NACA: variants seen among roughly 807,000 people sequenced by gnomAD.
The protein encoded by NACA is nascent polypeptide associated complex subunit alpha, also known as nascent polypeptide-associated complex subunit alpha.
A neutral mutation model predicts 86.4 loss-of-function variants in NACA; 42 were observed. That is an observed-to-expected ratio of 0.49 (90% confidence interval 0.38 to 0.63). The LOEUF is 0.63. NACA is among the 20% of genes least tolerant of loss of function. The probability of loss-of-function intolerance (pLI) is 0.00; values close to 1 mark genes in which losing one functional copy is unlikely to be tolerated. For missense variants in NACA, 2,157 were observed against 2,483.6 expected, an observed-to-expected ratio of 0.87 and a Z score of 2.80; for synonymous variants, 898 against 973.7, an observed-to-expected ratio of 0.92 and a Z score of 1.45.
chr12:56,718,819 G>A lies in NACA; in HGVS notation c.2711C>T (p.Ala904Val). 1 of 1,442,024 alleles carries A rather than the reference G, an allele frequency of 6.9e-7. No individual in the cohort carries two copies. The highest frequency in any genetic ancestry group is 3.0e-5 in the East Asian group (1 of 33,296). 89.3% of individuals were successfully genotyped at this position (1,442,024 alleles called of 1,614,324 possible). ...GGATAGAGCAGGAGCCTGTTTGGGT[G>A]CTGGAGTAGCTGGACCCTCTTTGGG... ...PFPKEGPATPAPKQAPALSMT... is the reference protein window; with the variant it reads ...PFPKEGPATPVPKQAPALSMT... Residue 904 changes from alanine to valine, a missense_variant, in exon 3 of 9, where the codon GCA becomes GTA. Ala to Val is a moderately conservative substitution (Grantham distance 64). Around this residue, in one of 8 missense-constraint regions of NACA, gnomAD observed 174 missense variants for 217.0 expected, o/e 0.80. Coordinates refer to ENST00000454682, the MANE Select transcript of NACA (RefSeq NM_001365896.1).
chr12:56,718,331 G>A lies in NACA; in HGVS notation c.3199C>T (p.Pro1067Ser), dbSNP rs778500309. The A allele has an allele frequency of 1.7e-6, 2 of 1,156,316 alleles. No individual in the cohort carries two copies. The highest frequency in any genetic ancestry group is 4.4e-5 in the East Asian group (1 of 22,986). The allele number at this position is 1,156,316 out of a possible 1,614,324, so 71.6% of individuals were successfully genotyped here. Residue 1067 changes from proline (P) to serine (S), a missense_variant, in exon 3 of 9, where the codon CCA becomes TCA. This residue lies in a region of NACA where 124 missense variants were observed against 186.5 expected (regional missense o/e 0.66). Coordinates refer to ENST00000454682, the MANE Select transcript of NACA (RefSeq NM_001365896.1). ...PTTPAATLPSPKGGPATPSLK... is the reference protein window; with the variant it reads ...PTTPAATLPSSKGGPATPSLK... ...GATGGGGTAGCTGGACCTCCTTTTG[G>A]GGAGGGAAGAGTTGCAGCTGGGGTT...
At chr12:56,713,813 T>C (rs1953278455) in intron 5 of NACA, 130 bp from the exon 6 acceptor site, 2 of 920,172 alleles carry the variant, frequency 2.2e-6, no homozygotes, top group African/African-American at 1.7e-5. Context: ...GAATAGAGAA[T>C]GGGTTTTCTG....
Position 56,720,186 on chromosome 12 carries a change from T to A in NACA, c.1344A>T (p.Thr448=). 6.2e-7 allele frequency: 1 copy of A among 1,613,850 alleles called. No homozygotes were observed. Among genetic ancestry groups the A allele is most frequent in the Non-Finnish European group, 8.5e-7 (1 of 1,179,864 alleles). Residue 448 remains threonine (T), a synonymous_variant, in exon 3 of 9, where the codon ACA becomes ACT. Coordinates refer to ENST00000454682, the MANE Select transcript of NACA (RefSeq NM_001365896.1). ...AGGTAGTAGTAGGTGCTGCAGCAAT[T>A]GTACAGGGGTTAGTCACCACAAGTG... ...TTPLVVTNPC[T]IAAAPTTTFE...
chr12:56,714,844 C>T (rs1953308848), intron 3 of NACA, 157 bp from the exon 4 acceptor site: 2 of 656,148 alleles, frequency 3.0e-6, no homozygotes, highest in African/African-American at 3.6e-5. Flanking sequence ...TTGATAGCCC[C>T]TAACTTAGTC....
chr12:56,724,603 A>G (rs1043386905), intron 1 of NACA, 80 bp from the exon 2 acceptor site: 6 of 1,459,836 alleles, frequency 4.1e-6, no homozygotes, highest in South Asian at 1.3e-5. Flanking sequence ...GTATTCTTAA[A>G]AACTCCGAGG....
At position 56,720,054 on chromosome 12, in the gene NACA, CT is replaced by C; in HGVS notation, c.1475del (p.Glu492GlyfsTer6). 1 of 1,613,656 alleles carries C rather than the reference CT, an allele frequency of 6.2e-7. No individual in the cohort carries two copies. Among genetic ancestry groups the C allele is most frequent in the Middle Eastern group, 1.6e-4 (1 of 6,062 alleles). On this transcript the variant is annotated frameshift_variant, in exon 3 of 9. Transcript: ENST00000454682. LOFTEE classifies it high-confidence loss of function. ...GAGTGGTTGCTACTTGAGTAGAAGG[CT>C]CTTTGGGAGCCACAGGTGCCATAAC... The part of the protein sequence containing the change: ...ALVMAPVAPK[E>X]PSTQVATTLR...
rs772634815 is a variant in NACA at position 56,714,704 on chromosome 12, C to G, written c.5660-17G>C. 1.9e-6 allele frequency: 3 copies of G among 1,608,312 alleles called. No individual in the cohort carries two copies. The highest frequency in any genetic ancestry group is 1.7e-6 in the Non-Finnish European group (2 of 1,174,916). On this transcript the variant is annotated splice_polypyrimidine_tract_variant and intron_variant, in intron 3 of 8. Transcript: ENST00000454682. ...TTCCAGACCCTAAGATGAGAAACAA[C>G]TTTTACTGCTTTATAGTAGAAATTA...
At position 56,712,774 on chromosome 12, in the gene NACA, T is replaced by G. The variant is rs772163703; in HGVS notation, c.6222+12A>C. ...GCAGAGGGAGTCAAGGAACAAAGGC[T>G]TGAACACTTACCATAATCGCATTTA... On this transcript the variant is annotated intron_variant, in intron 8 of 8. Coordinates refer to ENST00000454682, the MANE Select transcript of NACA (RefSeq NM_001365896.1). 3 of 1,614,200 alleles carry G rather than the reference T, an allele frequency of 1.9e-6. No homozygotes were observed. The East Asian group carries it at 6.7e-5, about 36-fold the overall frequency.
chr12:56,716,671 G>C lies in NACA; in HGVS notation c.4859C>G (p.Thr1620Ser). ...PKEAPTPPAV[T>S]PPSPEKGPAT... ...TGGGCCCTTTTCGGGGGATGGAGGA[G>C]TCACAGCTGGAGGAGTAGGTGCCTC... The change falls in exon 3 of 9, where the codon ACT becomes AGT. Residue 1620 changes from threonine to serine, a missense_variant. This residue lies in a region of NACA where 797 missense variants were observed against 777.6 expected (regional missense o/e 1.02). Transcript: ENST00000454682. 7.0e-7 allele frequency: 1 copy of C among 1,434,920 alleles called. No homozygotes were observed. Among genetic ancestry groups the C allele is most frequent in the Non-Finnish European group, 9.4e-7 (1 of 1,066,744 alleles). The allele number at this position is 1,434,920 out of a possible 1,614,324, so 88.9% of individuals were successfully genotyped here.
Position 56,715,952 on chromosome 12 carries a change from C to G in NACA, c.5578G>C (p.Val1860Leu). ...GCAGATTTAGGGGTGGGCATGTTGA[C>G]GAGGACCGACTGGAAAGGCACTCCC... ...SGGVPFQSVLVNMPTPKSAGI... is the reference protein window; with the variant it reads ...SGGVPFQSVLLNMPTPKSAGI... Residue 1860 changes from valine to leucine, a missense_variant, in exon 3 of 9, where the codon GTC (valine) becomes CTC (leucine). Physicochemically the swap from Val to Leu is conservative, Grantham distance 32. This residue lies in a region of NACA where 797 missense variants were observed against 777.6 expected (regional missense o/e 1.02). Transcript: ENST00000454682. 6.5e-7 allele frequency: 1 copy of G among 1,542,480 alleles called. No individual in the cohort carries two copies. The highest frequency in any genetic ancestry group is 8.7e-7 in the Non-Finnish European group (1 of 1,144,204).
In NACA at chr12:56,720,193, G is replaced by T. The variant is rs945790830; in HGVS notation, c.1337C>A (p.Pro446His). The T allele has an allele frequency of 1.2e-6, 2 of 1,613,860 alleles. No homozygotes were observed. The highest frequency in any genetic ancestry group is 2.7e-5 in the African/African-American group (2 of 74,902). Reference sequence around the variant, plus strand: ...AGTAGGTGCTGCAGCAATTGTACAGGGGTTAGTCACCACAAGTGGGGTGGT... The same window carrying T: ...AGTAGGTGCTGCAGCAATTGTACAGTGGTTAGTCACCACAAGTGGGGTGGT... ...VGTTPLVVTN[P>H]CTIAAAPTTT... The change falls in exon 3 of 9, where the codon CCC (proline) becomes CAC (histidine). Residue 446 changes from proline to histidine, a missense_variant. Transcript: ENST00000454682.
Position 56,716,661 on chromosome 12 carries a change from G to C in NACA, c.4869C>G (p.Ser1623=). 1 of 1,435,012 alleles carries C rather than the reference G, an allele frequency of 7.0e-7. No homozygotes were observed. The highest frequency in any genetic ancestry group is 9.4e-7 in the Non-Finnish European group (1 of 1,066,428). The allele number at this position is 1,435,012 out of a possible 1,614,324, so 88.9% of individuals were successfully genotyped here. A position where few individuals can be genotyped will look rare whatever the true frequency, so the allele number is the denominator to read the frequency against. The change falls in exon 3 of 9, where the codon TCC becomes TCG. Residue 1623 remains serine, a synonymous_variant. Transcript: ENST00000454682. The stretch of plus-strand genomic sequence containing the variant: ...CTGGAGTTGCTGGGCCCTTTTCGGG[G>C]GATGGAGGAGTCACAGCTGGAGGAG... ...APTPPAVTPP[S]PEKGPATPAP...
chr12:56,715,257 T>C (rs1419129677), intron 3 of NACA, among the ~76,000 whole-genome samples: 2 of 152,212 alleles, frequency 1.3e-5, no homozygotes, highest in Admixed American at 6.5e-5. Flanking sequence ...TTCTCAATGA[T>C]GATGACCTAT....
Position 56,724,467 on chromosome 12 carries a change from G to A in NACA, c.55C>T (p.Pro19Ser). ...GGAAACCTACCTGTCTCAGCCTGGGGCTGCGGCAACTCCTGCTCTGTAGCA... is the reference window on the plus strand; with the variant it reads ...GGAAACCTACCTGTCTCAGCCTGGGACTGCGGCAACTCCTGCTCTGTAGCA... Reference protein sequence around the residue: ...VPATEQELPQPQAETAVLPMS... With the variant: ...VPATEQELPQSQAETAVLPMS... Residue 19 changes from proline (P) to serine (S), a missense_variant, in exon 2 of 9, where the codon CCC becomes TCC. Around this residue, in one of 8 missense-constraint regions of NACA, gnomAD observed 947 missense variants for 917.9 expected, o/e 1.03. Coordinates refer to ENST00000454682, the MANE Select transcript of NACA (RefSeq NM_001365896.1). The A allele has an allele frequency of 1.2e-6, 2 of 1,611,994 alleles. No individual in the cohort carries two copies. Among genetic ancestry groups the A allele is most frequent in the Non-Finnish European group, 1.7e-6 (2 of 1,179,216 alleles).
rs1953530456 is a variant in NACA, at chr12:56,720,139, G to A, written c.1391C>T (p.Ser464Phe). 1 of 1,613,830 alleles carries A rather than the reference G, an allele frequency of 6.2e-7. No homozygotes were observed. Among genetic ancestry groups the A allele is most frequent in the Non-Finnish European group, 8.5e-7 (1 of 1,179,894 alleles). The change falls in exon 3 of 9, where the codon TCT becomes TTT. Residue 464 changes from serine to phenylalanine, a missense_variant. Ser to Phe is a radical substitution (Grantham distance 155, BLOSUM62 -2). Transcript: ENST00000454682. ...TATGGGACCTGATGACATTGGAGGA[G>A]AAACACAAGTAGCTACCTCAAAGGT... ...TTTFEVATCV[S>F]PPMSSGPISN...
At position 56,720,102 on chromosome 12, in the gene NACA, T is replaced by A; in HGVS notation, c.1428A>T (p.Glu476Asp). The A allele has an allele frequency of 1.9e-6, 3 of 1,613,868 alleles. No homozygotes were observed. The highest frequency in any genetic ancestry group is 1.3e-5 in the African/African-American group (1 of 74,990). ...PMSSGPISNI[E>D]PTSPAALVMA... The stretch of plus-strand genomic sequence containing the variant: ...TAACCAAGGCAGCAGGGGAAGTTGG[T>A]TCTATGTTACTTATGGGACCTGATG... Residue 476 changes from glutamate (E) to aspartate (D), a missense_variant, in exon 3 of 9, where the codon GAA becomes GAT. By Grantham distance (45) the Glu-to-Asp change is conservative. Around this residue, in one of 8 missense-constraint regions of NACA, gnomAD observed 947 missense variants for 917.9 expected, o/e 1.03. Transcript: ENST00000454682.
At chr12:56,715,629 G>A (rs999196266) in intron 3 of NACA, among the ~76,000 whole-genome samples, 1 of 151,834 alleles carries the variant, frequency 6.6e-6, no homozygotes, top group Non-Finnish European at 1.5e-5. Context: ...GGGTAGTCCG[G>A]GCCACATTAC....
At chr12:56,714,820 T>C in intron 3 of NACA, 133 bp from the exon 4 acceptor site, 1 of 796,760 alleles carries the variant, frequency 1.3e-6, no homozygotes. Context: ...CCAACTGGCT[T>C]GTGTGAAGTC....
In NACA at chr12:56,713,201, G is replaced by A; in HGVS notation, c.5971-11C>T. 1 of 1,613,356 alleles carries A rather than the reference G, an allele frequency of 6.2e-7. No homozygotes were observed. Among genetic ancestry groups the A allele is most frequent in the Non-Finnish European group, 8.5e-7 (1 of 1,179,584 alleles). On this transcript the variant is annotated splice_polypyrimidine_tract_variant and intron_variant, in intron 6 of 8. Transcript: ENST00000454682. ...GGATAAATCTTCGATCTACAGGGTA[G>A]AAAATACAGATCCATGTGAGTAGAT...
Sources: allele counts gnomAD v4.1 joint callset (sites outside exome capture counted in the v4.1 genomes callset), GRCh38; gene constraint gnomAD v4.1.1; regional missense constraint gnomAD v4.1.1; transcripts MANE v1.5; gene names NCBI Gene and HGNC (gene_info 2026-07-23, HGNC 2026-07-21).